Variants in PROSER2 observed in about 807,000 individuals in gnomAD.
PROSER2 encodes the protein proline and serine rich 2.
Under a neutral mutation model 14.6 loss-of-function variants are expected in PROSER2, and 18 were observed. The ratio of observed to expected loss-of-function variants is 1.23; its 90% CI spans 0.85 to 1.83. The LOEUF (loss-of-function observed/expected upper bound fraction) is 1.83, where lower values mean the gene tolerates loss of function less well. PROSER2 is among the 40% of genes most tolerant of loss of function. PROSER2 has a pLI of 0.00. For synonymous variants in PROSER2, 367 were observed against 286.4 expected, an observed-to-expected ratio of 1.28 and a Z score of -2.84; for missense variants, 823 against 629.8, an observed-to-expected ratio of 1.31 and a Z score of -3.28.
rs1385294629 is a variant in PROSER2, at chr10:11,870,277, G to A, written c.1179G>A (p.Gln393=). ...FPGPRQPNGA[Q]DWRRADSLPR... ...GGCCCCGGCAGCCCAACGGCGCCCA[G>A]GACTGGCGCCGCGCAGACTCCCTGC... Residue 393 remains glutamine (Q), a synonymous_variant, in exon 4 of 4, where the codon CAG becomes CAA. Transcript: ENST00000277570. 2 of 1,492,698 alleles carry A rather than the reference G, an allele frequency of 1.3e-6. No individual in the cohort carries two copies. Among genetic ancestry groups the A allele is most frequent in the Non-Finnish European group, 8.9e-7 (1 of 1,128,702 alleles). 92.5% of individuals were successfully genotyped at this position (1,492,698 alleles called of 1,614,324 possible). A position where few individuals can be genotyped will look rare whatever the true frequency, so the allele number is the denominator to read the frequency against.
At chr10:11,864,537 A>C (rs1443235848) in intron 2 of PROSER2, among the ~76,000 whole-genome samples, 2 of 151,524 alleles carry the variant, frequency 1.3e-5, no homozygotes, top group African/African-American at 4.9e-5. Flanking sequence ...CAAGGATACT[A>C]TTCTCTTACG....
intron 3 of PROSER2, among the ~76,000 whole-genome samples, chr10:11,867,089 C>T (rs902790516): frequency 1.3e-5 from 2 of 151,702 alleles, no homozygotes; most frequent in Admixed American, 6.6e-5. Flanking sequence ...ACAGTGAAAC[C>T]CCGTCTCTAC....
chr10:11,826,463 T>A (rs1833614700), intron 1 of PROSER2, among the ~76,000 whole-genome samples: 2 of 152,368 alleles, frequency 1.3e-5, no homozygotes, highest in South Asian at 4.1e-4. Flanking sequence ...CTGTTTTCTA[T>A]AGCAGCTGTA....
chr10:11,845,787 C>A (rs1254944676), intron 1 of PROSER2, among the ~76,000 whole-genome samples: 2 of 152,138 alleles, frequency 1.3e-5, no homozygotes, highest in African/African-American at 4.8e-5. Context: ...TGGACTCAAC[C>A]AGCAGCCCCA....
At chr10:11,867,980 A>G (rs1834388505) in intron 3 of PROSER2, among the ~76,000 whole-genome samples, 1 of 152,234 alleles carries the variant, frequency 6.6e-6, no homozygotes, top group African/African-American at 2.4e-5. Flanking sequence ...TAAAGTGTGT[A>G]CACGTGTGTA....
At chr10:11,846,067 T>C (rs181898491) in intron 1 of PROSER2, among the ~76,000 whole-genome samples, 1 of 152,198 alleles carries the variant, frequency 6.6e-6, no homozygotes, top group African/African-American at 2.4e-5. Context: ...GCTCACTGCA[T>C]CCTCTACCTC....
rs1378609447 is a variant in PROSER2 at position 11,870,083 on chromosome 10, C to G, written c.985C>G (p.Leu329Val). ...GRGLPGPAES[L>V]RAGGQAPRGP... ...GGGCCTGCCGGGCCCCGCTGAGAGT[C>G]TCCGGGCAGGGGGTCAGGCTCCGCG... The change falls in exon 4 of 4, where the codon CTC becomes GTC. Residue 329 changes from leucine to valine, a missense_variant. By Grantham distance (32) the Leu-to-Val change is conservative. Coordinates refer to ENST00000277570, the MANE Select transcript of PROSER2 (RefSeq NM_153256.4). The G allele has an allele frequency of 7.8e-7, 1 of 1,286,562 alleles. No individual in the cohort carries two copies. Among genetic ancestry groups the G allele is most frequent in the East Asian group, 3.3e-5 (1 of 30,434 alleles). 79.7% of individuals were successfully genotyped at this position (1,286,562 alleles called of 1,614,324 possible).
At position 11,870,245 on chromosome 10, in the gene PROSER2, T is replaced by G. The variant is rs1490956499; in HGVS notation, c.1147T>G (p.Phe383Val). ...ALPSTRARQS[F>V]PGPRQPNGAQ... ...GCCCAGCACGCGGGCCCGTCAGAGC[T>G]TCCCCGGGCCCCGGCAGCCCAACGG... The change falls in exon 4 of 4, where the codon TTC becomes GTC. Residue 383 changes from phenylalanine to valine, a missense_variant. Phe to Val is a conservative substitution (Grantham distance 50, BLOSUM62 -1). Transcript: ENST00000277570. 3 of 1,487,496 alleles carry G rather than the reference T, an allele frequency of 2.0e-6. No individual in the cohort carries two copies. Among genetic ancestry groups the G allele is most frequent in the Non-Finnish European group, 2.7e-6 (3 of 1,126,634 alleles). The allele number at this position is 1,487,496 out of a possible 1,614,324, so 92.1% of individuals were successfully genotyped here.
chr10:11,842,359 T>C (rs148175042), intron 1 of PROSER2, among the ~76,000 whole-genome samples: 1 of 152,352 alleles, frequency 6.6e-6, no homozygotes, highest in African/African-American at 2.4e-5. Context: ...CTTTTGTCCT[T>C]GCCTTCTTTT....
chr10:11,840,922 CAAAAAAAAAAAAAAAAAAA>C (rs1169517487), intron 1 of PROSER2, among the ~76,000 whole-genome samples: 1 of 50,374 alleles, frequency 2.0e-5, no homozygotes, highest in Non-Finnish European at 3.2e-5. Context: ...GAGACTGTCT[CAAAAAAAAAAAAAAAAAAA>C]AAAAAAAAAA....
In PROSER2 at chr10:11,866,853, T is replaced by C. The variant is rs1834359332; in HGVS notation, c.391+70T>C. On this transcript the variant is annotated intron_variant, in intron 3 of 3. Transcript: ENST00000277570. This position sits in a 1 kb window ranked among gnomAD's most constrained non-coding sequence, Gnocchi z 6.0. Reference sequence around the variant, plus strand: ...TCTGTGAGACCCAGAGATACTTCTTTTGTGTTCCCCTGTGTTTGCCAGTAG... The same window carrying C: ...TCTGTGAGACCCAGAGATACTTCTTCTGTGTTCCCCTGTGTTTGCCAGTAG... The C allele has an allele frequency of 6.5e-7, 1 of 1,528,080 alleles. No individual in the cohort carries two copies. The highest frequency in any genetic ancestry group is 8.8e-7 in the Non-Finnish European group (1 of 1,139,568). 94.7% of individuals were successfully genotyped at this position (1,528,080 alleles called of 1,614,324 possible). A position where few individuals can be genotyped will look rare whatever the true frequency, so the allele number is the denominator to read the frequency against.
At chr10:11,850,685 T>A (rs1255720663) in intron 1 of PROSER2, 1 of 152,266 alleles carries the variant, frequency 6.6e-6, no homozygotes, top group Non-Finnish European at 1.5e-5. Flanking sequence ...TGTTTCTTTT[T>A]AAATCTGTTT....
chr10:11,857,872 C>T (rs930981536), intron 2 of PROSER2, among the ~76,000 whole-genome samples: 2 of 152,052 alleles, frequency 1.3e-5, no homozygotes, highest in Non-Finnish European at 2.9e-5. Flanking sequence ...TGCTGCTTCA[C>T]ATTTTTTAAA....
rs1350160362 is a variant in PROSER2, at chr10:11,869,349, G to A, written c.392-141G>A. Reference sequence around the variant, plus strand: ...CCTTCCCTAGTCCCAGGAACAGGGAGAGAGGAGTTGACTCACAGGCAGCAC... The same window carrying A: ...CCTTCCCTAGTCCCAGGAACAGGGAAAGAGGAGTTGACTCACAGGCAGCAC... On this transcript the variant is annotated intron_variant, in intron 3 of 3. Coordinates refer to ENST00000277570, the MANE Select transcript of PROSER2 (RefSeq NM_153256.4). The surrounding 1 kb of genome is among the most constrained non-coding windows in gnomAD (Gnocchi z 4.4). 1 of 649,958 alleles carries A rather than the reference G, an allele frequency of 1.5e-6. No individual in the cohort carries two copies. The highest frequency in any genetic ancestry group is 1.8e-5 in the African/African-American group (1 of 55,206). The allele number at this position is 649,958 out of a possible 1,614,324, so 40.3% of individuals were successfully genotyped here. A position where few individuals can be genotyped will look rare whatever the true frequency, so the allele number is the denominator to read the frequency against.
At position 11,838,553 on chromosome 10, in the gene PROSER2, C is replaced by T. The variant is rs927020279; in HGVS notation, c.-81-13444C>T. The stretch of plus-strand genomic sequence containing the variant: ...AGGCTGAGCAGTGGAATGTGTGGCT[C>T]GTAGGACACGCTTAGTTTCTCTAAG... On this transcript the variant is annotated intron_variant, in intron 1 of 3. Coordinates refer to ENST00000277570, the MANE Select transcript of PROSER2 (RefSeq NM_153256.4). This position sits in a 1 kb window ranked among gnomAD's most constrained non-coding sequence, Gnocchi z 4.4. Among the ~76,000 whole-genome samples the T allele has an allele frequency of 3.3e-5, 5 of 152,302 alleles. No homozygotes were observed. Among genetic ancestry groups the T allele is most frequent in the African/African-American group, 7.2e-5 (3 of 41,562 alleles).
intron 1 of PROSER2, among the ~76,000 whole-genome samples, chr10:11,833,263 T>TTTTTTTTTTTTTTTTTTGTG (rs1554765898): frequency 8.8e-6 from 1 of 113,154 alleles, no homozygotes; most frequent in African/African-American, 3.1e-5. Context: ...TTTTAGTTCT[T>TTTTTTTTTTTTTTTTTTGTG]TGCTGGGTGC....
chr10:11,858,185 C>A (rs946723165), intron 2 of PROSER2, among the ~76,000 whole-genome samples: 8 of 152,140 alleles, frequency 5.3e-5, no homozygotes, highest in African/African-American at 1.9e-4. Context: ...GTGATTCGGC[C>A]TCTCAGAGTG....
chr10:11,848,582 C>T (rs1588490602), intron 1 of PROSER2, among the ~76,000 whole-genome samples: 1 of 152,210 alleles, frequency 6.6e-6, no homozygotes, highest in African/African-American at 2.4e-5. Context: ...TGGCCAGAGT[C>T]GTCTTTCTAA....
At chr10:11,863,546 A>G (rs201451228) in intron 2 of PROSER2, among the ~76,000 whole-genome samples, 2 of 151,008 alleles carry the variant, frequency 1.3e-5, no homozygotes, top group African/African-American at 4.9e-5. Context: ...CCCCCCACAA[A>G]AAAAAAAAAA....
Sources: gnomAD v4.1 joint callset for allele counts (sites outside exome capture counted in the v4.1 genomes callset) on GRCh38, gnomAD v4.1.1 for gene constraint, Gnocchi (gnomAD v3.1) non-coding constraint, MANE v1.5 for transcripts, NCBI Gene and HGNC (gene_info 2026-07-23, HGNC 2026-07-21) for gene names.